GTF2F2: variants seen among roughly 807,000 people sequenced by gnomAD.
GTF2F2 encodes the protein general transcription factor IIF subunit 2.
In GTF2F2, 23 loss-of-function variants were observed where a neutral mutation model predicts 42.2. That is an observed-to-expected ratio of 0.55 (90% confidence interval 0.39 to 0.77). The LOEUF is 0.77. GTF2F2 is among the 30% of genes least tolerant of loss of function. The pLI is 0.00. For missense variants in GTF2F2, 261 were observed against 287.2 expected (o/e 0.91, Z 0.66); for synonymous variants, 105 against 100.8 (o/e 1.04, Z -0.25).
intron 4 of GTF2F2, among the ~76,000 whole-genome samples, chr13:45,162,168 T>G (rs1347441702): frequency 1.3e-5 from 2 of 152,204 alleles, no homozygotes. Flanking sequence ...AACAGTCTCT[T>G]TAAGTAGGTA....
chr13:45,252,811 ACT>A (rs757106154), intron 5 of GTF2F2, 58 bp from the exon 6 acceptor site: 160 of 718,588 alleles, frequency 2.2e-4, no homozygotes, highest in Non-Finnish European at 2.8e-4. Flanking sequence ...AGAAATAATA[ACT>A]CTTCATATTT....
At chr13:45,167,092 CTT>C (rs11332719) in intron 4 of GTF2F2, among the ~76,000 whole-genome samples, 24 of 134,062 alleles carry the variant, frequency 1.8e-4, no homozygotes, top group Admixed American at 2.3e-4. Flanking sequence ...CAGTTGAAGT[CTT>C]TTTTTTTTTT....
intron 1 of GTF2F2, among the ~76,000 whole-genome samples, chr13:45,132,268 T>C (rs1869398189): frequency 1.3e-5 from 2 of 152,228 alleles, no homozygotes; most frequent in Admixed American, 1.3e-4. Flanking sequence ...AGTCTCTCAC[T>C]GGCGATAGTC....
intron 7 of GTF2F2, among the ~76,000 whole-genome samples, chr13:45,277,127 A>G (rs1405394421): frequency 6.6e-6 from 1 of 152,224 alleles, no homozygotes; most frequent in East Asian, 1.9e-4. Context: ...TCTGTGTTTC[A>G]GAGAAGTTTC....
chr13:45,168,019 A>G (rs1293667520), intron 4 of GTF2F2, among the ~76,000 whole-genome samples: 2 of 152,192 alleles, frequency 1.3e-5, no homozygotes, highest in Admixed American at 1.3e-4. Flanking sequence ...TGATGATTTG[A>G]CACATTTTTT....
chr13:45,169,936 T>C (rs897965761), intron 4 of GTF2F2, among the ~76,000 whole-genome samples: 29 of 152,232 alleles, frequency 1.9e-4, no homozygotes, highest in Admixed American at 1.1e-3. Flanking sequence ...AATATTAAGC[T>C]TCTTAAGAAC....
At chr13:45,250,403 C>A (rs1277589258) in intron 5 of GTF2F2, among the ~76,000 whole-genome samples, 1 of 152,122 alleles carries the variant, frequency 6.6e-6, no homozygotes, top group Non-Finnish European at 1.5e-5. Context: ...AAAATGCACA[C>A]CTTGGGATTA....
chr13:45,236,354 A>T (rs1874979304), intron 5 of GTF2F2, among the ~76,000 whole-genome samples: 1 of 152,166 alleles, frequency 6.6e-6, no homozygotes, highest in African/African-American at 2.4e-5. Flanking sequence ...CTTAGGCATA[A>T]CTGACTTTCT....
chr13:45,153,037 G>A (rs942851592), intron 4 of GTF2F2, among the ~76,000 whole-genome samples: 9 of 145,996 alleles, frequency 6.2e-5, no homozygotes, highest in African/African-American at 2.3e-4. Context: ...TTGAGACGTA[G>A]TCTTGCTCTG....
chr13:45,132,299 A>G (rs2138094699), intron 1 of GTF2F2, among the ~76,000 whole-genome samples: 1 of 152,240 alleles, frequency 6.6e-6, no homozygotes, highest in South Asian at 2.1e-4. Flanking sequence ...CCAGGGTTGG[A>G]TTCTCATCTG....
intron 4 of GTF2F2, among the ~76,000 whole-genome samples, chr13:45,154,805 A>ATT (rs1330717263): frequency 6.6e-6 from 1 of 152,164 alleles, no homozygotes; most frequent in African/African-American, 2.4e-5. Context: ...TTTTAAGTTT[A>ATT]TTTTAAGGCA....
intron 4 of GTF2F2, among the ~76,000 whole-genome samples, chr13:45,203,137 T>C (rs1414848233): frequency 6.6e-6 from 1 of 152,108 alleles, no homozygotes; most frequent in Non-Finnish European, 1.5e-5. Flanking sequence ...AGTGCAGTGA[T>C]GTGATCTCAG....
At chr13:45,131,243 G>A (rs1374372244) in intron 1 of GTF2F2, among the ~76,000 whole-genome samples, 2 of 151,732 alleles carry the variant, frequency 1.3e-5, no homozygotes, top group Non-Finnish European at 2.9e-5. Context: ...GAGAAGAGGG[G>A]GGATCCAAGG....
chr13:45,236,385 A>G (rs1356581787), intron 5 of GTF2F2, among the ~76,000 whole-genome samples: 1 of 152,098 alleles, frequency 6.6e-6, no homozygotes, highest in Non-Finnish European at 1.5e-5. Flanking sequence ...ATAATCTGGG[A>G]GAAGAAATGG....
intron 4 of GTF2F2, among the ~76,000 whole-genome samples, chr13:45,198,820 A>G (rs950767656): frequency 3.3e-5 from 5 of 151,992 alleles, no homozygotes; most frequent in African/African-American, 4.8e-5. Flanking sequence ...CACTGAATGT[A>G]AGAAACATTC....
intron 2 of GTF2F2, among the ~76,000 whole-genome samples, chr13:45,139,380 C>T (rs761543879): frequency 8.5e-5 from 13 of 152,198 alleles, no homozygotes; most frequent in Non-Finnish European, 1.8e-4. Context: ...GCTCGTAATT[C>T]TGACTGTGTT....
intron 4 of GTF2F2, among the ~76,000 whole-genome samples, chr13:45,195,458 G>A (rs1363335266): frequency 3.3e-5 from 5 of 152,132 alleles, no homozygotes; most frequent in South Asian, 4.1e-4. Flanking sequence ...TGTATATACC[G>A]TAGGAAGATA....
chr13:45,263,129 TA>T (rs1184674976), intron 6 of GTF2F2, among the ~76,000 whole-genome samples: 3 of 151,956 alleles, frequency 2.0e-5, no homozygotes, highest in Non-Finnish European at 2.9e-5. Flanking sequence ...TAAATTTAAA[TA>T]AATGTAGGAT....
intron 4 of GTF2F2, among the ~76,000 whole-genome samples, chr13:45,175,757 G>A (rs1871847596): frequency 1.3e-5 from 2 of 152,088 alleles, no homozygotes; most frequent in Non-Finnish European, 2.9e-5. Context: ...CGAGTAGCTG[G>A]GATTACAGGC....
Sources: gnomAD v4.1 joint callset for allele counts (sites outside exome capture counted in the v4.1 genomes callset) on GRCh38, gnomAD v4.1.1 for gene constraint, MANE v1.5 for transcripts, NCBI Gene and HGNC (gene_info 2026-07-23, HGNC 2026-07-21) for gene names.